Variants in FGFR1 observed in about 807,000 individuals in gnomAD.
FGFR1 encodes the protein FGFR1/PLAG1 fusion.
A neutral mutation model predicts 93.7 loss-of-function variants in FGFR1; 18 were observed. That is an observed-to-expected ratio of 0.19 (90% CI 0.13 to 0.28). FGFR1 has a LOEUF of 0.28. FGFR1 is among the 10% of genes least tolerant of loss of function. The pLI, the probability that FGFR1 is intolerant of heterozygous loss-of-function variation, is 1.00. For missense variants in FGFR1, 731 were observed against 1,080.4 expected, an observed-to-expected ratio of 0.68 and a Z score of 4.53; for synonymous variants, 448 against 429.3, an observed-to-expected ratio of 1.04 and a Z score of -0.54.
At chr8:38,422,062 T>C in intron 7 of FGFR1, 121 bp from the exon 8 acceptor site, 1 of 1,200,562 alleles carries the variant, frequency 8.3e-7, no homozygotes, top group Middle Eastern at 1.9e-4. Flanking sequence ...CCTGACATCT[T>C]CTTTGCAACA....
chr8:38,417,462 G>C, intron 11 of FGFR1, 46 bp from the exon 12 acceptor site: 2 of 1,526,474 alleles, frequency 1.3e-6, no homozygotes, highest in Non-Finnish European at 1.8e-6. Flanking sequence ...AGGGAGGAGG[G>C]CAGGATAAAG....
Position 38,428,518 on chromosome 8 carries a change from G to C in FGFR1, c.359-83C>G, listed in dbSNP as rs888083697. The C allele has an allele frequency of 6.6e-6, 7 of 1,057,588 alleles. No homozygotes were observed. The South Asian group carries it at 9.4e-5, about 14-fold the overall frequency. The allele number at this position is 1,057,588 out of a possible 1,614,324, so 65.5% of individuals were successfully genotyped here. On this transcript the variant is annotated intron_variant, in intron 3 of 17. Transcript: ENST00000447712. Reference sequence around the variant, plus strand: ...GGCTAGTGCAGTTCCAGATGAACACGGACACCCTCCCCATGGGGATCCCAG... The same window carrying C: ...GGCTAGTGCAGTTCCAGATGAACACCGACACCCTCCCCATGGGGATCCCAG...
At chr8:38,442,362 G>GGTGTGGGTGTGTGT (rs1554581711) in intron 2 of FGFR1, among the ~76,000 whole-genome samples, 2 of 146,062 alleles carry the variant, frequency 1.4e-5, no homozygotes, top group African/African-American at 5.1e-5. Flanking sequence ...TTGTTAAAGT[G>GGTGTGGGTGTGTGT]GTGTGTGTGT....
chr8:38,422,009 G>C, intron 7 of FGFR1, 68 bp from the exon 8 acceptor site: 2 of 1,570,746 alleles, frequency 1.3e-6, no homozygotes, highest in Non-Finnish European at 1.7e-6. Flanking sequence ...CGCAGAGCAA[G>C]GGAAGGAGAC....
At position 38,433,198 on chromosome 8, in the gene FGFR1, A is replaced by G. The variant is rs569211999; in HGVS notation, c.92-3250T>C. On this transcript the variant is annotated intron_variant, in intron 2 of 17. Coordinates refer to ENST00000447712, the MANE Select transcript of FGFR1 (RefSeq NM_023110.3). ...ACAAAAAAATTTAAAAACTAGCCAG[A>G]CTTGGTGGCACATGCCTGTAGTCCC... is the stretch of plus-strand genomic sequence containing the variant. 5.4e-4 allele frequency among the ~76,000 whole-genome samples: 82 copies of G among 152,212 alleles called. No individual in the cohort carries two copies. The Middle Eastern group carries it at 0.024, about 44-fold the overall frequency.
chr8:38,417,902 C>A lies in FGFR1; in HGVS notation c.1520G>T (p.Arg507Leu). 9.3e-6 allele frequency: 15 copies of A among 1,614,204 alleles called. No homozygotes were observed. The highest frequency in any genetic ancestry group is 1.3e-5 in the Non-Finnish European group (15 of 1,180,034). The stretch of plus-strand genomic sequence containing the variant: ...CATCTTCACAGCCACTTTGGTCACA[C>A]GGTTGGGTTTGTCCTTGTCCAGCCC... Reference protein sequence around the residue: ...AIGLDKDKPNRVTKVAVKMLK... With the variant: ...AIGLDKDKPNLVTKVAVKMLK... The change falls in exon 11 of 18, where the codon CGT becomes CTT. Residue 507 changes from arginine to leucine, a missense_variant. Arg to Leu is a moderately radical substitution (Grantham distance 102). Transcript: ENST00000447712.
At chr8:38,455,824 C>T (rs1480606666) in intron 2 of FGFR1, among the ~76,000 whole-genome samples, 2 of 152,272 alleles carry the variant, frequency 1.3e-5, no homozygotes, top group East Asian at 3.9e-4. Context: ...TCTGCATTCC[C>T]ACCACCTCTG....
chr8:38,415,761 G>A (rs1026860700), intron 13 of FGFR1, 109 bp downstream of exon 13: 2 of 1,071,198 alleles, frequency 1.9e-6, no homozygotes, highest in East Asian at 2.5e-5. Flanking sequence ...CAGGGCCAGT[G>A]CTCAGTGCAT....
chr8:38,452,848 G>A (rs1424096222), intron 2 of FGFR1, among the ~76,000 whole-genome samples: 3 of 152,122 alleles, frequency 2.0e-5, no homozygotes, highest in Non-Finnish European at 4.4e-5. Flanking sequence ...GTGGTGGCAC[G>A]CGCCTGTAAT....
chr8:38,454,078 A>C lies in FGFR1; in HGVS notation c.91+3278T>G, dbSNP rs144017933. Among the ~76,000 whole-genome samples the C allele has an allele frequency of 2.0e-3, 302 of 152,236 alleles. 1 individual carries two copies. Among genetic ancestry groups the C allele is most frequent in the African/African-American group, 6.4e-3 (267 of 41,540 alleles). ...AGTCTTCCTGGGTACATGGCTCCTAAGAGCCCCATCCACCTCTCTTACTCC... is the reference window on the plus strand; with the variant it reads ...AGTCTTCCTGGGTACATGGCTCCTACGAGCCCCATCCACCTCTCTTACTCC... On this transcript the variant is annotated intron_variant, in intron 2 of 17. Transcript: ENST00000447712.
In FGFR1 at chr8:38,426,598, C is replaced by T. The variant is rs113067074; in HGVS notation, c.622-353G>A. Among the ~76,000 whole-genome samples, 862 of 152,324 alleles carry T rather than the reference C, an allele frequency of 5.7e-3. 14 individuals carry two copies. Among genetic ancestry groups the T allele is most frequent in the African/African-American group, 0.02 (812 of 41,574 alleles). The stretch of plus-strand genomic sequence containing the variant: ...ATCCAGCCCCCACTGTCCTTGACAG[C>T]TCATTTCAAAAACCATCTCCTCCAG... On this transcript the variant is annotated intron_variant, in intron 5 of 17. Coordinates refer to ENST00000447712, the MANE Select transcript of FGFR1 (RefSeq NM_023110.3). The surrounding 1 kb of genome is among the most constrained non-coding windows in gnomAD (Gnocchi z 4.1).
At chr8:38,417,727 T>G in intron 11 of FGFR1, 143 bp downstream of exon 11, 1 of 1,158,542 alleles carries the variant, frequency 8.6e-7, no homozygotes, top group Non-Finnish European at 1.3e-6. Context: ...GAACACCCCC[T>G]CCACTCCCAG....
Position 38,467,629 on chromosome 8 carries a change from G to C in FGFR1, c.-89+352C>G, listed in dbSNP as rs1835838072. On this transcript the variant is annotated intron_variant, in intron 1 of 17. Transcript: ENST00000447712. ...TCCTCCCCAGTCCAGGAAACCGCGG[G>C]CCTCGCCGCCTTCGCCCCGGGCCTG... 9 of 234,816 alleles carry C rather than the reference G, an allele frequency of 3.8e-5. No individual in the cohort carries two copies. The Admixed American group carries it at 3.9e-4, about 10-fold the overall frequency. The allele number at this position is 234,816 out of a possible 1,614,324, so 14.5% of individuals were successfully genotyped here.
intron 6 of FGFR1, among the ~76,000 whole-genome samples, chr8:38,425,182 C>A (rs1287963095): frequency 6.6e-6 from 1 of 151,980 alleles, no homozygotes; most frequent in Non-Finnish European, 1.5e-5. Flanking sequence ...ACTCTGTCAC[C>A]CATGCTGGAG....
At chr8:38,449,084 AG>A (rs1196003379) in intron 2 of FGFR1, among the ~76,000 whole-genome samples, 4 of 152,046 alleles carry the variant, frequency 2.6e-5, no homozygotes, top group African/African-American at 9.7e-5. Flanking sequence ...CCTGGGCAAC[AG>A]AGCGAGACTA....
chr8:38,415,747 C>T lies in FGFR1; in HGVS notation c.1854+123G>A, dbSNP rs559299168. 1.5e-4 allele frequency: 142 copies of T among 955,832 alleles called. No individual in the cohort carries two copies. The African/African-American group carries it at 2.0e-3, about 13-fold the overall frequency. 59.2% of individuals were successfully genotyped at this position (955,832 alleles called of 1,614,324 possible). On this transcript the variant is annotated intron_variant, in intron 13 of 17. Transcript: ENST00000447712. ...AGAGAGCCTAAGACAACACACAGGG[C>T]ACACAGGGCCAGTGCTCAGTGCATC...
At chr8:38,419,140 C>T (rs997497364) in intron 9 of FGFR1, among the ~76,000 whole-genome samples, 9 of 152,290 alleles carry the variant, frequency 5.9e-5, no homozygotes, top group Admixed American at 2.6e-4. Flanking sequence ...GTAAATTGCC[C>T]GGTCTTGGGT....
intron 3 of FGFR1, chr8:38,428,640 C>G: frequency 1.7e-6 from 1 of 596,148 alleles, no homozygotes; most frequent in Non-Finnish European, 3.0e-6. Context: ...GCACTGCCCC[C>G]ACTGCCTGGA....
chr8:38,429,985 G>A lies in FGFR1; in HGVS notation c.92-37C>T, dbSNP rs367748161. The stretch of plus-strand genomic sequence containing the variant: ...ACGGGGCCGGGAAGGGAAGCCAAGG[G>A]GCGAGAGAGGAAGACAGGGAGAGGG... On this transcript the variant is annotated intron_variant, in intron 2 of 17. Coordinates refer to ENST00000447712, the MANE Select transcript of FGFR1 (RefSeq NM_023110.3). The surrounding 1 kb of genome is among the most constrained non-coding windows in gnomAD (Gnocchi z 4.4). 2.4e-4 allele frequency: 373 copies of A among 1,574,118 alleles called. No individual in the cohort carries two copies. The highest frequency in any genetic ancestry group is 3.1e-4 in the Non-Finnish European group (358 of 1,159,212).
Sources: gnomAD v4.1 joint callset for allele counts (sites outside exome capture counted in the v4.1 genomes callset) on GRCh38, gnomAD v4.1.1 for gene constraint, Gnocchi (gnomAD v3.1) non-coding constraint, MANE v1.5 for transcripts, NCBI Gene and HGNC (gene_info 2026-07-23, HGNC 2026-07-21) for gene names.